The following KATNIP variants were observed in gnomAD, a reference collection of about 807,000 sequenced individuals.
KATNIP encodes the protein katanin interacting protein.
A neutral mutation model predicts 174.0 loss-of-function variants in KATNIP; 126 were observed. The observed-to-expected ratio is 0.72, with a 90% CI of 0.63 to 0.84. The LOEUF is 0.84. Ranked by LOEUF, KATNIP falls within the 40% of genes least tolerant of loss-of-function variation. KATNIP has a pLI of 0.00. For missense variants in KATNIP, 1,958 were observed against 2,109.7 expected, an observed-to-expected ratio of 0.93 and a Z score of 1.41; for synonymous variants, 810 against 835.7, an observed-to-expected ratio of 0.97 and a Z score of 0.53.
chr16:27,662,875 A>G (rs2077568210), intron 6 of KATNIP, among the ~76,000 whole-genome samples: 1 of 152,156 alleles, frequency 6.6e-6, no homozygotes, highest in South Asian at 2.1e-4. Flanking sequence ...AGATTCAAAC[A>G]GTTTAGAAGT....
chr16:27,735,199 C>T (rs369926894), intron 14 of KATNIP, among the ~76,000 whole-genome samples: 4 of 152,166 alleles, frequency 2.6e-5, no homozygotes, highest in African/African-American at 9.7e-5. Flanking sequence ...GAGCCCACTC[C>T]TCTCTTACAA....
intron 3 of KATNIP, among the ~76,000 whole-genome samples, chr16:27,622,567 C>T (rs534697346): frequency 2.0e-5 from 3 of 152,278 alleles, no homozygotes; most frequent in Admixed American, 6.5e-5. Flanking sequence ...TAATATACAC[C>T]TCTAGACTGC....
At chr16:27,594,594 G>A (rs1405867130) in intron 2 of KATNIP, among the ~76,000 whole-genome samples, 2 of 151,988 alleles carry the variant, frequency 1.3e-5, no homozygotes, top group Admixed American at 6.6e-5. Context: ...AGACACTGGA[G>A]TTCAATAAAG....
Position 27,740,091 on chromosome 16 carries a change from C to T in KATNIP, c.1794C>T (p.Leu598=). 2 of 1,614,210 alleles carry T rather than the reference C, an allele frequency of 1.2e-6. No homozygotes were observed. Among genetic ancestry groups the T allele is most frequent in the South Asian group, 2.2e-5 (2 of 91,066 alleles). Residue 598 remains leucine, a synonymous_variant, in exon 15 of 28, where the codon CTC becomes CTT. Transcript: ENST00000261588. ...TGAAGCTTTACGTCAACAGAAACCT[C>T]ATCTTCAATGGCAAGTTAGACAAAG... is the stretch of plus-strand genomic sequence containing the variant. ...KNVKLYVNRN[L]IFNGKLDKGD... is the part of the protein sequence containing the mutation.
At chr16:27,655,616 C>T (rs967159554) in intron 6 of KATNIP, among the ~76,000 whole-genome samples, 1 of 151,968 alleles carries the variant, frequency 6.6e-6, no homozygotes, top group Admixed American at 6.6e-5. Context: ...TAAGAGCTCA[C>T]GTTAAATGAG....
At chr16:27,577,339 C>T (rs947179117) in intron 2 of KATNIP, among the ~76,000 whole-genome samples, 8 of 151,774 alleles carry the variant, frequency 5.3e-5, no homozygotes, top group Non-Finnish European at 7.4e-5. Flanking sequence ...CCCAGGACTT[C>T]GAGACCAGCC....
intron 6 of KATNIP, among the ~76,000 whole-genome samples, chr16:27,649,589 C>T (rs922492961): frequency 2.0e-4 from 30 of 152,210 alleles, no homozygotes; most frequent in Admixed American, 5.2e-4. Flanking sequence ...CTCCTGGGCT[C>T]AAGCCATCCT....
Position 27,713,818 on chromosome 16 carries a change from A to G in KATNIP, c.1605+4898A>G, listed in dbSNP as rs1433570592. On this transcript the variant is annotated intron_variant, in intron 13 of 27. Transcript: ENST00000261588. ...TGTGTGTGTGTATATACATATATAT[A>G]TATATATATATATATATATATATAT... 8.4e-4 allele frequency among the ~76,000 whole-genome samples: 29 copies of G among 34,574 alleles called. No homozygotes were observed. In the East Asian group the frequency reaches 0.012, roughly 15 times the overall value. The allele number at this position is 34,574 out of a possible 152,430, so 22.7% of individuals were successfully genotyped here. A position where few individuals can be genotyped will look rare whatever the true frequency, so the allele number is the denominator to read the frequency against.
chr16:27,721,112 T>G (rs376887629), intron 13 of KATNIP, among the ~76,000 whole-genome samples: 35 of 152,204 alleles, frequency 2.3e-4, no homozygotes, highest in Non-Finnish European at 4.3e-4. Flanking sequence ...CTAGTAGCTT[T>G]CTTTCTTTTC....
At chr16:27,616,288 G>A (rs150363411) in intron 2 of KATNIP, among the ~76,000 whole-genome samples, 1,774 of 151,990 alleles carry the variant, frequency 0.012, 47 homozygotes, top group African/African-American at 0.04. Flanking sequence ...AGGAGAATCC[G>A]GGAGGCAGAG....
chr16:27,618,557 AG>A, intron 3 of KATNIP, 56 bp downstream of exon 3: 1 of 1,297,238 alleles, frequency 7.7e-7, no homozygotes, highest in Non-Finnish European at 1.1e-6. Context: ...AAATCTATTT[AG>A]ATTTATTAAC....
chr16:27,646,902 A>G (rs1287502118), intron 5 of KATNIP, among the ~76,000 whole-genome samples: 1 of 152,180 alleles, frequency 6.6e-6, no homozygotes, highest in East Asian at 1.9e-4. Context: ...AGCACCAGTC[A>G]GCTCACTCCC....
intron 6 of KATNIP, among the ~76,000 whole-genome samples, chr16:27,671,147 C>T (rs1347700916): frequency 1.3e-5 from 2 of 152,060 alleles, no homozygotes; most frequent in South Asian, 2.1e-4. Flanking sequence ...GAGCTGAGAT[C>T]GCGCCACTGC....
intron 1 of KATNIP, among the ~76,000 whole-genome samples, chr16:27,553,645 T>A (rs928218326): frequency 2.0e-5 from 3 of 151,998 alleles, no homozygotes; most frequent in Non-Finnish European, 4.4e-5. Flanking sequence ...TGAGACTCCA[T>A]CTCTACTAAA....
chr16:27,712,315 C>T (rs1170393257), intron 13 of KATNIP, among the ~76,000 whole-genome samples: 1 of 152,168 alleles, frequency 6.6e-6, no homozygotes, highest in Non-Finnish European at 1.5e-5. Context: ...CATCCTGGGT[C>T]CCAGGCCCGG....
intron 18 of KATNIP, among the ~76,000 whole-genome samples, chr16:27,760,656 G>A (rs1157970252): frequency 6.6e-6 from 1 of 152,222 alleles, no homozygotes; most frequent in East Asian, 1.9e-4. Flanking sequence ...CATCTGTACT[G>A]AGCTCCTACT....
intron 14 of KATNIP, among the ~76,000 whole-genome samples, chr16:27,733,004 G>A (rs139877406): frequency 1.2e-3 from 190 of 152,278 alleles, no homozygotes; most frequent in African/African-American, 4.4e-3. Context: ...CAGTTGTGTC[G>A]CCATGCCAAG....
intron 3 of KATNIP, among the ~76,000 whole-genome samples, chr16:27,623,101 A>G (rs2076241061): frequency 6.6e-6 from 1 of 152,082 alleles, no homozygotes; most frequent in South Asian, 2.1e-4. Context: ...ACTGGACTCA[A>G]ATGCCACCCC....
In KATNIP at chr16:27,681,408, G is replaced by T; in HGVS notation, c.818G>T (p.Arg273Met). Reference protein sequence around the residue: ...EFNPASKSHKRERNLSAKRKD... With the variant: ...EFNPASKSHKMERNLSAKRKD... ...AATTGTTTTCCTACAGGTCATAAAA[G>T]GGAAAGGAATTTGTCTGCAAAGCGG... is the stretch of plus-strand genomic sequence containing the variant. Residue 273 changes from arginine to methionine, a missense_variant, in exon 8 of 28, where the codon AGG (arginine) becomes ATG (methionine). Coordinates refer to ENST00000261588, the MANE Select transcript of KATNIP (RefSeq NM_015202.5). 1 of 1,614,178 alleles carries T rather than the reference G, an allele frequency of 6.2e-7. No homozygotes were observed. The highest frequency in any genetic ancestry group is 8.5e-7 in the Non-Finnish European group (1 of 1,180,016).
Sources: allele counts gnomAD v4.1 joint callset (sites outside exome capture counted in the v4.1 genomes callset), GRCh38; gene constraint gnomAD v4.1.1; transcripts MANE v1.5; gene names NCBI Gene and HGNC (gene_info 2026-07-23, HGNC 2026-07-21).